Variants in STAU2 observed in about 807,000 individuals in gnomAD.
The protein encoded by STAU2 is staufen double-stranded RNA binding protein 2, also known as double-stranded RNA-binding protein Staufen homolog 2.
In STAU2, 20 loss-of-function variants were observed where a neutral mutation model predicts 65.9. The ratio of observed to expected loss-of-function variants is 0.30; its 90% CI spans 0.21 to 0.44. The LOEUF (loss-of-function observed/expected upper bound fraction) is 0.44, where lower values mean the gene tolerates loss of function less well. Among genes scored for constraint, STAU2 ranks in the 20% least tolerant of loss-of-function variants. The pLI, the probability that STAU2 is intolerant of heterozygous loss-of-function variation, is 1.00. For synonymous variants in STAU2, 232 were observed against 233.9 expected (o/e 0.99, Z 0.07); for missense variants, 558 against 683.9 (o/e 0.82, Z 2.05).
intron 13 of STAU2, among the ~76,000 whole-genome samples, chr8:73,484,309 A>T (rs183028980): frequency 1.6e-4 from 25 of 152,276 alleles, no homozygotes; most frequent in African/African-American, 5.1e-4. Context: ...AGAGGATTGG[A>T]ATCTAGTTCA....
At chr8:73,745,909 C>T (rs879930315) in intron 1 of STAU2, among the ~76,000 whole-genome samples, 11 of 152,142 alleles carry the variant, frequency 7.2e-5, no homozygotes, top group Non-Finnish European at 1.3e-4. Flanking sequence ...GCGTGCTTCT[C>T]AATGGCCTCT....
At chr8:73,690,888 C>T (rs985130190) in intron 4 of STAU2, among the ~76,000 whole-genome samples, 2 of 152,090 alleles carry the variant, frequency 1.3e-5, no homozygotes, top group Non-Finnish European at 2.9e-5. Flanking sequence ...ATCTTTAATA[C>T]TCTCTCTGGT....
At chr8:73,594,817 T>C (rs1244355678) in intron 11 of STAU2, among the ~76,000 whole-genome samples, 1 of 152,206 alleles carries the variant, frequency 6.6e-6, no homozygotes, top group African/African-American at 2.4e-5. Flanking sequence ...TGTTTTCAGC[T>C]GTATTCCAAA....
chr8:73,534,531 G>A (rs1185587637), intron 13 of STAU2, among the ~76,000 whole-genome samples: 2 of 152,068 alleles, frequency 1.3e-5, no homozygotes, highest in Non-Finnish European at 1.5e-5. Context: ...ATGAATTAAT[G>A]TATAAGTAAA....
At chr8:73,685,355 G>A (rs1287869150) in intron 5 of STAU2, among the ~76,000 whole-genome samples, 1 of 151,816 alleles carries the variant, frequency 6.6e-6, no homozygotes, top group Non-Finnish European at 1.5e-5. Context: ...TGGCGTGGAT[G>A]TGGTGAAAAG....
chr8:73,565,577 TTTAA>T (rs1331587272), intron 12 of STAU2, among the ~76,000 whole-genome samples: 2 of 152,246 alleles, frequency 1.3e-5, no homozygotes, highest in East Asian at 1.9e-4. Flanking sequence ...TTGTTTGTTT[TTTAA>T]TTGTGTGGTG....
rs1185260036 is a variant in STAU2 at position 73,435,759 on chromosome 8, C to T, written c.1531-13057G>A. ...TCGAGGTCTGAAACAAGTGTTTTGC[C>T]CTCTTCAGGCCAGTCTGGGGTCTGC... On this transcript the variant is annotated intron_variant, in intron 13 of 14. Coordinates refer to ENST00000524300, the MANE Select transcript of STAU2 (RefSeq NM_001164380.2). 4.0e-5 allele frequency among the ~76,000 whole-genome samples: 6 copies of T among 151,890 alleles called. 1 individual carries two copies. The highest frequency in any genetic ancestry group is 1.5e-4 in the African/African-American group (6 of 41,188).
chr8:73,472,055 G>A (rs952472464), intron 13 of STAU2, among the ~76,000 whole-genome samples: 4 of 152,184 alleles, frequency 2.6e-5, no homozygotes, highest in Non-Finnish European at 5.9e-5. Flanking sequence ...GAGTGGAGGT[G>A]CAGGAAGGGA....
chr8:73,739,443 T>C (rs557404626), intron 2 of STAU2, among the ~76,000 whole-genome samples: 3 of 152,224 alleles, frequency 2.0e-5, no homozygotes, highest in East Asian at 1.9e-4. Context: ...ATCACCTGTA[T>C]AGAAACTGTT....
intron 3 of STAU2, among the ~76,000 whole-genome samples, chr8:73,718,808 C>G (rs1337591313): frequency 6.6e-6 from 1 of 152,136 alleles, no homozygotes; most frequent in Non-Finnish European, 1.5e-5. Context: ...TTTGAAAATG[C>G]TACTCTTTTA....
chr8:73,636,416 A>G (rs1330424854), intron 6 of STAU2, among the ~76,000 whole-genome samples: 3 of 152,058 alleles, frequency 2.0e-5, no homozygotes, highest in East Asian at 3.9e-4. Flanking sequence ...TCACAGGAAC[A>G]TAATAGAATC....
At chr8:73,593,941 T>G (rs1347888288) in intron 11 of STAU2, among the ~76,000 whole-genome samples, 1 of 152,092 alleles carries the variant, frequency 6.6e-6, no homozygotes, top group Non-Finnish European at 1.5e-5. Context: ...AACCCTGACT[T>G]ATACAGTGGT....
intron 13 of STAU2, chr8:73,527,761 C>G: frequency 6.5e-7 from 1 of 1,536,700 alleles, no homozygotes; most frequent in African/African-American, 1.4e-5. Flanking sequence ...TAATGTCAGA[C>G]AGGTCACACA....
chr8:73,561,995 C>T (rs931670183), intron 12 of STAU2, among the ~76,000 whole-genome samples: 3 of 152,156 alleles, frequency 2.0e-5, no homozygotes, highest in African/African-American at 7.2e-5. Context: ...AGTATAACTA[C>T]CTTTCAGTAG....
At chr8:73,630,521 T>C (rs1814013097) in intron 6 of STAU2, among the ~76,000 whole-genome samples, 1 of 152,250 alleles carries the variant, frequency 6.6e-6, no homozygotes, top group East Asian at 1.9e-4. Context: ...ACGTGTATTT[T>C]AGTCACACTA....
intron 11 of STAU2, among the ~76,000 whole-genome samples, chr8:73,588,716 A>AT (rs1810555644): frequency 6.6e-6 from 1 of 152,354 alleles, no homozygotes; most frequent in South Asian, 2.1e-4. Flanking sequence ...CCTGGGGAAA[A>AT]AAAAAGATAG....
intron 12 of STAU2, among the ~76,000 whole-genome samples, chr8:73,559,202 A>C (rs1808008727): frequency 6.6e-6 from 1 of 152,208 alleles, no homozygotes; most frequent in African/African-American, 2.4e-5. Flanking sequence ...GGGTACATGC[A>C]ACCTCTTTGT....
At chr8:73,463,257 A>G (rs769642980) in intron 13 of STAU2, among the ~76,000 whole-genome samples, 61 of 152,348 alleles carry the variant, frequency 4.0e-4, no homozygotes, top group Non-Finnish European at 7.9e-4. Flanking sequence ...GGCAACATGC[A>G]TGTGCTGGAC....
chr8:73,587,859 A>G (rs1313938073), intron 11 of STAU2, among the ~76,000 whole-genome samples: 2 of 152,306 alleles, frequency 1.3e-5, no homozygotes, highest in Admixed American at 1.3e-4. Context: ...TTGGTATTTT[A>G]AATTATAAAC....
Sources: allele counts gnomAD v4.1 joint callset (sites outside exome capture counted in the v4.1 genomes callset), GRCh38; gene constraint gnomAD v4.1.1; transcripts MANE v1.5; gene names NCBI Gene and HGNC (gene_info 2026-07-23, HGNC 2026-07-21).